Variants in EIF4E observed in about 807,000 individuals in gnomAD.
EIF4E encodes the protein eIF-4F 25 kDa subunit.
For synonymous variants in EIF4E, 71 were observed against 88.5 expected (o/e 0.80, Z 1.11); for missense variants, 113 against 265.6 (o/e 0.43, Z 3.99).
intron 1 of EIF4E, among the ~76,000 whole-genome samples, chr4:98,924,264 A>G (rs1459030954): frequency 6.6e-6 from 1 of 152,060 alleles, no homozygotes; most frequent in Admixed American, 6.6e-5. Flanking sequence ...TTTTTAGTAG[A>G]GGTGGGGTTT....
chr4:98,921,561 A>C (rs2110223850), intron 1 of EIF4E, among the ~76,000 whole-genome samples: 1 of 152,256 alleles, frequency 6.6e-6, no homozygotes, highest in Non-Finnish European at 1.5e-5. Context: ...TAGAGATTAC[A>C]ATGACAGTAA....
At chr4:98,892,672 ACT>A (rs1056884253) in intron 2 of EIF4E, among the ~76,000 whole-genome samples, 1 of 129,072 alleles carries the variant, frequency 7.7e-6, no homozygotes, top group African/African-American at 3.5e-5. Flanking sequence ...ACAGAGGGAA[ACT>A]CTGTCTCAAA....
intron 1 of EIF4E, among the ~76,000 whole-genome samples, chr4:98,915,252 C>T (rs1002663681): frequency 1.3e-5 from 2 of 151,212 alleles, no homozygotes; most frequent in South Asian, 2.1e-4. Flanking sequence ...CACACAAACC[C>T]GGCCGAAAAT....
chr4:98,907,188 A>G (rs1425588596), intron 1 of EIF4E, among the ~76,000 whole-genome samples: 1 of 152,136 alleles, frequency 6.6e-6, no homozygotes, highest in Non-Finnish European at 1.5e-5. Context: ...ATTCCTTCTG[A>G]TATATGTAGA....
intron 1 of EIF4E, among the ~76,000 whole-genome samples, chr4:98,913,587 T>C (rs890117205): frequency 6.6e-6 from 1 of 152,186 alleles, no homozygotes; most frequent in Non-Finnish European, 1.5e-5. Flanking sequence ...ATTACAGGCA[T>C]GAGCCACCAC....
chr4:98,895,558 C>T (rs1724344386), intron 2 of EIF4E: 1 of 152,144 alleles, frequency 6.6e-6, no homozygotes, highest in Admixed American at 6.5e-5. Flanking sequence ...TGCTTGGTAA[C>T]TTCACCTAGA....
intron 1 of EIF4E, 33 bp from the exon 2 acceptor site, chr4:98,902,015 A>AT (rs766234802): frequency 1.3e-6 from 2 of 1,567,474 alleles, no homozygotes; most frequent in South Asian, 2.2e-5. Flanking sequence ...ATTATTTTAA[A>AT]TGTCTTAACA....
chr4:98,920,914 G>A (rs991407832), intron 1 of EIF4E, among the ~76,000 whole-genome samples: 1 of 152,088 alleles, frequency 6.6e-6, no homozygotes, highest in Non-Finnish European at 1.5e-5. Flanking sequence ...ACTGAAGGAT[G>A]GACTTTAGTT....
intron 1 of EIF4E, among the ~76,000 whole-genome samples, chr4:98,916,275 C>A (rs1202390757): frequency 2.5e-5 from 2 of 81,084 alleles, no homozygotes; most frequent in African/African-American, 6.3e-5. Flanking sequence ...TAAAAATGAA[C>A]ATTCAGAGGA....
chr4:98,925,388 AC>A (rs1167975431), intron 1 of EIF4E, among the ~76,000 whole-genome samples: 1 of 152,234 alleles, frequency 6.6e-6, no homozygotes, highest in Non-Finnish European at 1.5e-5. Flanking sequence ...AACACGACCT[AC>A]TGGAGGTAAG....
Position 98,879,853 on chromosome 4 carries a change from C to T in EIF4E, c.*1175G>A, listed in dbSNP as rs1377032910. ...TTACTTTATAAAAAAACAAAGATAG[C>T]CACATCAATTTAATTCCATATATAT... On this transcript the variant is annotated 3_prime_UTR_variant, in exon 7 of 7. Coordinates refer to ENST00000450253, the MANE Select transcript of EIF4E (RefSeq NM_001968.5). 1.3e-5 allele frequency: 2 copies of T among 152,028 alleles called. No homozygotes were observed. The highest frequency in any genetic ancestry group is 1.5e-5 in the Non-Finnish European group (1 of 67,962). The allele number at this position is 152,028 out of a possible 1,614,324, so 9.4% of individuals were successfully genotyped here.
intron 1 of EIF4E, among the ~76,000 whole-genome samples, chr4:98,918,645 C>G (rs1345394074): frequency 2.0e-5 from 3 of 151,788 alleles, no homozygotes; most frequent in Non-Finnish European, 4.4e-5. Context: ...TTTGAAATAG[C>G]AAATGGTTGG....
Position 98,898,357 on chromosome 4 carries a change from C to T in EIF4E, c.125+3519G>A, listed in dbSNP as rs191975191. ...GGTGCGGTGGCTCATGCCTGTAATC[C>T]CAGCACTTTGCGAGGCCGAGGTGGG... On this transcript the variant is annotated intron_variant, in intron 2 of 6. Transcript: ENST00000450253. 2.2e-3 allele frequency among the ~76,000 whole-genome samples: 328 copies of T among 152,118 alleles called. 3 individuals carry two copies. The highest frequency in any genetic ancestry group is 7.2e-3 in the African/African-American group (301 of 41,524).
At chr4:98,885,144 A>C (rs1723859984) in intron 5 of EIF4E, 83 bp from the exon 6 acceptor site, 1 of 1,481,696 alleles carries the variant, frequency 6.7e-7, no homozygotes, top group Admixed American at 2.1e-5. Context: ...ATTTGCATAG[A>C]AACTAAAGGC....
chr4:98,887,213 A>G lies in EIF4E; in HGVS notation c.286-21T>C, dbSNP rs983424404. On this transcript the variant is annotated intron_variant, in intron 4 of 6. Coordinates refer to ENST00000450253, the MANE Select transcript of EIF4E (RefSeq NM_001968.5). The surrounding 1 kb of genome is among the most constrained non-coding windows in gnomAD (Gnocchi z 4.0). ...CCATCCTACAGGGTTAGAAGACAAC[A>G]GTATTACACAACATTGTTACCTTGA... 3.1e-6 allele frequency: 5 copies of G among 1,606,234 alleles called. No homozygotes were observed. Among genetic ancestry groups the G allele is most frequent in the Non-Finnish European group, 3.4e-6 (4 of 1,172,964 alleles).
rs1723579525 is a variant in EIF4E, at chr4:98,879,376, CAAAA to C, written c.*1648_*1651del. 2 of 152,114 alleles carry C rather than the reference CAAAA, an allele frequency of 1.3e-5. No individual in the cohort carries two copies. The highest frequency in any genetic ancestry group is 2.9e-5 in the Non-Finnish European group (2 of 67,996). The allele number at this position is 152,114 out of a possible 1,614,324, so 9.4% of individuals were successfully genotyped here. ...ACCATTCAAAGACAAATTTTCCTCT[CAAAA>C]TAATAATTTCCATTCTGCTACCTAC... On this transcript the variant is annotated 3_prime_UTR_variant, in exon 7 of 7. Coordinates refer to ENST00000450253, the MANE Select transcript of EIF4E (RefSeq NM_001968.5).
At chr4:98,882,608 A>G (rs1723745663) in intron 6 of EIF4E, among the ~76,000 whole-genome samples, 1 of 152,014 alleles carries the variant, frequency 6.6e-6, no homozygotes, top group South Asian at 2.1e-4. Context: ...TATGGTAACT[A>G]AAGTGTTAAT....
rs369761257 is a variant in EIF4E at position 98,915,913 on chromosome 4, CTT to C, written c.18+13180_18+13181del. 4.2e-3 allele frequency among the ~76,000 whole-genome samples: 635 copies of C among 151,660 alleles called. 3 individuals carry two copies. Among genetic ancestry groups the C allele is most frequent in the African/African-American group, 0.015 (607 of 41,390 alleles). On this transcript the variant is annotated intron_variant, in intron 1 of 6. Coordinates refer to ENST00000450253, the MANE Select transcript of EIF4E (RefSeq NM_001968.5). ...TCACCTTTGCTCTTCCTTCTTAAAACTTTGCTTCTGCTCATGCCTGTAATCCC... is the reference window on the plus strand; with the variant it reads ...TCACCTTTGCTCTTCCTTCTTAAAACTGCTTCTGCTCATGCCTGTAATCCC...
chr4:98,886,323 T>C, intron 5 of EIF4E: 1 of 281,864 alleles, frequency 3.5e-6, no homozygotes, highest in Middle Eastern at 1.4e-3. Flanking sequence ...TATCTCATAT[T>C]TAATTTGTCT....
Sources: allele counts gnomAD v4.1 joint callset (sites outside exome capture counted in the v4.1 genomes callset), GRCh38; gene constraint gnomAD v4.1.1; non-coding constraint Gnocchi (gnomAD v3.1); transcripts MANE v1.5; gene names NCBI Gene and HGNC (gene_info 2026-07-23, HGNC 2026-07-21).